Variants in CEP192 observed in about 807,000 individuals in gnomAD.
The protein encoded by CEP192 is centrosomal protein of 192 kDa.
In CEP192, 151 loss-of-function variants were observed where a neutral mutation model predicts 271.8. The observed-to-expected ratio is 0.56, with a 90% CI of 0.49 to 0.64. The LOEUF (loss-of-function observed/expected upper bound fraction) is 0.64, where lower values mean the gene tolerates loss of function less well. Among genes scored for constraint, CEP192 ranks in the 30% least tolerant of loss-of-function variants. The probability of loss-of-function intolerance (pLI) is 0.00; values close to 1 mark genes in which losing one functional copy is unlikely to be tolerated. For missense variants in CEP192, 2,910 were observed against 3,020.5 expected (o/e 0.96, Z 0.86); for synonymous variants, 995 against 1,076.5 (o/e 0.92, Z 1.48).
chr18:13,074,147 A>G (rs1303680759), intron 30 of CEP192, among the ~76,000 whole-genome samples: 4 of 147,870 alleles, frequency 2.7e-5, no homozygotes, highest in Non-Finnish European at 5.9e-5. Context: ...TTTGTTCTAT[A>G]TCCTAGTGTT....
intron 29 of CEP192, 28 bp downstream of exon 29, chr18:13,072,873 T>C (rs753321890): frequency 1.9e-6 from 3 of 1,567,870 alleles, no homozygotes; most frequent in African/African-American, 1.4e-5. Context: ...ATTCTTGTTA[T>C]GTCTTCTGTC....
chr18:13,018,402 A>T (rs888277673), intron 7 of CEP192, 78 bp from the exon 8 acceptor site: 6 of 893,290 alleles, frequency 6.7e-6, no homozygotes, highest in African/African-American at 5.2e-5. Flanking sequence ...GGCATCCTTC[A>T]GTAAAGCCAC....
At chr18:13,097,674 C>G (rs938860820) in intron 36 of CEP192, among the ~76,000 whole-genome samples, 1 of 80,356 alleles carries the variant, frequency 1.2e-5, no homozygotes, top group Admixed American at 1.3e-4. Flanking sequence ...ATTGATCATT[C>G]TTGGGTGTTT....
chr18:13,037,340 T>C (rs2035970580), intron 12 of CEP192, 39 bp downstream of exon 12: 1 of 884,114 alleles, frequency 1.1e-6, no homozygotes, highest in Non-Finnish European at 1.8e-6. Context: ...TTAAAATTTT[T>C]CCTGTATTAG....
chr18:13,122,301 A>G (rs1431040178), intron 44 of CEP192, among the ~76,000 whole-genome samples: 3 of 152,260 alleles, frequency 2.0e-5, no homozygotes, highest in Non-Finnish European at 4.4e-5. Flanking sequence ...GCATGTCTGT[A>G]ATCCTAGCTA....
intron 15 of CEP192, among the ~76,000 whole-genome samples, chr18:13,043,905 G>A (rs1195916487): frequency 6.6e-6 from 1 of 151,944 alleles, no homozygotes; most frequent in Non-Finnish European, 1.5e-5. Flanking sequence ...TATTTATGGG[G>A]TACATGAGAT....
chr18:13,007,792 TA>T (rs1006578604), intron 3 of CEP192, among the ~76,000 whole-genome samples: 4 of 151,864 alleles, frequency 2.6e-5, no homozygotes, highest in East Asian at 1.9e-4. Flanking sequence ...GAAGGACTTT[TA>T]AAAAAAAATC....
chr18:13,024,281 C>T (rs1375809806), intron 9 of CEP192: 2 of 456,008 alleles, frequency 4.4e-6, no homozygotes, highest in Non-Finnish European at 8.8e-6. Flanking sequence ...ACTTTGAAGT[C>T]TGCTCTGTCT....
intron 7 of CEP192, 94 bp downstream of exon 7, chr18:13,017,430 C>CT: frequency 2.1e-6 from 2 of 966,974 alleles, no homozygotes; most frequent in Non-Finnish European, 2.9e-6. Flanking sequence ...AGCCTTTGGA[C>CT]TTTGGACTTT....
intron 36 of CEP192, among the ~76,000 whole-genome samples, chr18:13,096,520 G>A (rs1356227763): frequency 6.6e-6 from 1 of 152,218 alleles, no homozygotes; most frequent in Non-Finnish European, 1.5e-5. Flanking sequence ...TGGTTATGCT[G>A]TCACCCAGGA....
In CEP192 at chr18:13,079,604, G is replaced by A. The variant is rs140304644; in HGVS notation, c.5616+6419G>A. Among the ~76,000 whole-genome samples the A allele has an allele frequency of 9.9e-3, 1,502 of 152,166 alleles. 22 individuals carry two copies. The highest frequency in any genetic ancestry group is 0.035 in the African/African-American group (1,438 of 41,488). On this transcript the variant is annotated intron_variant, in intron 30 of 44. Coordinates refer to ENST00000506447, the MANE Select transcript of CEP192 (RefSeq NM_032142.4). ...TGTAGGTTGCCTGTTCACTCTGATG[G>A]TAACTTCTTTCGCTGTGCAGAAGCT...
intron 13 of CEP192, among the ~76,000 whole-genome samples, 159 bp downstream of exon 13, chr18:13,038,738 T>C (rs2036042860): frequency 6.6e-6 from 1 of 152,240 alleles, no homozygotes; most frequent in African/African-American, 2.4e-5. Flanking sequence ...ACTGCAGTTC[T>C]AGCTCTGTCT....
intron 44 of CEP192, among the ~76,000 whole-genome samples, chr18:13,120,510 C>T (rs937573509): frequency 6.6e-6 from 1 of 152,090 alleles, no homozygotes; most frequent in African/African-American, 2.4e-5. Flanking sequence ...AACTTAGAAA[C>T]GTGAGAAAAT....
rs1266480829 is a variant in CEP192, at chr18:13,030,000, A to T, written c.1388A>T (p.Asp463Val). The T allele has an allele frequency of 6.5e-7, 1 of 1,539,336 alleles. No individual in the cohort carries two copies. Residue 463 changes from aspartate to valine, a missense_variant and splice_region_variant, in exon 10 of 45, where the codon GAC becomes GTC. Asp to Val is a radical substitution (Grantham distance 152). Coordinates refer to ENST00000506447, the MANE Select transcript of CEP192 (RefSeq NM_032142.4). Reference sequence around the variant, plus strand: ...CACGAGTCCATCGAAAAGAATAAAGACAGTAAGTGGACTTTTTAAAAAATA... The same window carrying T: ...CACGAGTCCATCGAAAAGAATAAAGTCAGTAAGTGGACTTTTTAAAAAATA... Reference protein sequence around the residue: ...ECHESIEKNKDKTDLPQSVVY... With the variant: ...ECHESIEKNKVKTDLPQSVVY...
At chr18:13,050,384 A>G (rs962803035) in intron 17 of CEP192, among the ~76,000 whole-genome samples, 4 of 152,156 alleles carry the variant, frequency 2.6e-5, no homozygotes, top group African/African-American at 9.7e-5. Context: ...TTGGATTTCA[A>G]AGATACCTAT....
chr18:13,100,196 GT>G (rs2039639342), intron 37 of CEP192, 108 bp from the exon 38 acceptor site: 2 of 719,878 alleles, frequency 2.8e-6, no homozygotes, highest in Non-Finnish European at 4.7e-6. Context: ...ATTTATTGAT[GT>G]TTTGTTTGTT....
chr18:13,015,511 G>T, intron 6 of CEP192, 63 bp downstream of exon 6: 1 of 1,514,760 alleles, frequency 6.6e-7, no homozygotes, highest in Non-Finnish European at 8.9e-7. Flanking sequence ...ATTCTTCTTT[G>T]TTGCAGTAGT....
intron 21 of CEP192, among the ~76,000 whole-genome samples, chr18:13,064,629 AAG>A (rs1442469974): frequency 6.6e-6 from 1 of 151,542 alleles, no homozygotes; most frequent in East Asian, 1.9e-4. Flanking sequence ...AAAAAAAAAA[AAG>A]AGTTGACTGT....
intron 20 of CEP192, 72 bp downstream of exon 20, chr18:13,057,805 T>A: frequency 6.9e-7 from 1 of 1,440,242 alleles, no homozygotes; most frequent in Non-Finnish European, 9.6e-7. Context: ...CCCCCATCTC[T>A]AGTGCTAGGT....
Sources: allele counts gnomAD v4.1 joint callset (sites outside exome capture counted in the v4.1 genomes callset), GRCh38; gene constraint gnomAD v4.1.1; transcripts MANE v1.5; gene names NCBI Gene and HGNC (gene_info 2026-07-23, HGNC 2026-07-21).